BRSK1: variants seen among roughly 807,000 people sequenced by gnomAD.
BRSK1 encodes BR serine/threonine kinase 1, also known as serine/threonine-protein kinase BRSK1.
In BRSK1, 17 loss-of-function variants were observed where a neutral mutation model predicts 86.2. That is an observed-to-expected ratio of 0.20 (90% CI 0.14 to 0.30). The LOEUF (loss-of-function observed/expected upper bound fraction) is 0.30. Among genes scored for constraint, BRSK1 ranks in the 10% least tolerant of loss-of-function variants. The probability of loss-of-function intolerance (pLI) is 1.00; values close to 1 mark genes in which losing one functional copy is unlikely to be tolerated. For synonymous variants in BRSK1, 464 were observed against 440.1 expected, an observed-to-expected ratio of 1.05 and a Z score of -0.68; for missense variants, 719 against 1,071.9, an observed-to-expected ratio of 0.67 and a Z score of 4.60.
In BRSK1 at chr19:55,284,488, C is replaced by CCCCGG; in HGVS notation, c.46_47insCCCGG (p.His16ProfsTer52). On this transcript the variant is annotated frameshift_variant, in exon 1 of 19. Coordinates refer to ENST00000309383, the MANE Select transcript of BRSK1 (RefSeq NM_032430.2). LOFTEE classifies it high-confidence loss of function. ...GGGAGGTGGGGGCTCTCCCGCCTAC[C>CCCCGG]ACCTCCCCCACCCCCACCCCCACCC... 1.7e-6 allele frequency: 2 copies of CCCCGG among 1,205,262 alleles called. No homozygotes were observed. Among genetic ancestry groups the CCCCGG allele is most frequent in the Non-Finnish European group, 2.2e-6 (2 of 907,330 alleles). The allele number at this position is 1,205,262 out of a possible 1,614,324, so 74.7% of individuals were successfully genotyped here.
At chr19:55,308,105 C>G (rs2088690914) in intron 17 of BRSK1, among the ~76,000 whole-genome samples, 1 of 150,402 alleles carries the variant, frequency 6.6e-6, no homozygotes, top group African/African-American at 2.4e-5. Flanking sequence ...ACTGCAACCT[C>G]TGCCTCCTGG....
In BRSK1 at chr19:55,286,993, C is replaced by T; in HGVS notation, c.137-14C>T. Reference sequence around the variant, plus strand: ...CCCGGCGGAACACCCCACATTTTCACCCTGCTCCTGCAGGGCTGGTTAAAC... The same window carrying T: ...CCCGGCGGAACACCCCACATTTTCATCCTGCTCCTGCAGGGCTGGTTAAAC... On this transcript the variant is annotated splice_polypyrimidine_tract_variant and intron_variant, in intron 1 of 18. Coordinates refer to ENST00000309383, the MANE Select transcript of BRSK1 (RefSeq NM_032430.2). 1 of 1,613,732 alleles carries T rather than the reference C, an allele frequency of 6.2e-7. No homozygotes were observed. The highest frequency in any genetic ancestry group is 8.5e-7 in the Non-Finnish European group (1 of 1,179,732).
Position 55,312,322 on chromosome 19 carries a change from G to T in BRSK1, c.*254G>T, listed in dbSNP as rs1043267578. Reference sequence around the variant, plus strand: ...TTTATTTATTGATCAATCTCTCTGCGGGGTGGGGTGGGGGAGGGACGGGAG... The same window carrying T: ...TTTATTTATTGATCAATCTCTCTGCTGGGTGGGGTGGGGGAGGGACGGGAG... On this transcript the variant is annotated 3_prime_UTR_variant, in exon 19 of 19. Coordinates refer to ENST00000309383, the MANE Select transcript of BRSK1 (RefSeq NM_032430.2). 4.5e-6 allele frequency: 1 copy of T among 224,632 alleles called. No individual in the cohort carries two copies. Among genetic ancestry groups the T allele is most frequent in the Admixed American group, 5.6e-5 (1 of 17,932 alleles). The allele number at this position is 224,632 out of a possible 1,614,324, so 13.9% of individuals were successfully genotyped here. A position where few individuals can be genotyped will look rare whatever the true frequency, so the allele number is the denominator to read the frequency against.
At chr19:55,307,966 AAAAAG>A (rs1321764175) in intron 17 of BRSK1, among the ~76,000 whole-genome samples, 4 of 151,710 alleles carry the variant, frequency 2.6e-5, no homozygotes, top group Admixed American at 1.3e-4. Flanking sequence ...AAGAAAAAAG[AAAAAG>A]AAAAGACTTT....
At chr19:55,299,368 TTGG>T (rs1223619351) in intron 7 of BRSK1, among the ~76,000 whole-genome samples, 27 of 134,610 alleles carry the variant, frequency 2.0e-4, no homozygotes, top group East Asian at 9.0e-4. Context: ...ATAATTTGTT[TTGG>T]TTTTTTTTTT....
chr19:55,290,033 T>A (rs1281217032), intron 4 of BRSK1, among the ~76,000 whole-genome samples: 2 of 152,192 alleles, frequency 1.3e-5, no homozygotes, highest in Non-Finnish European at 2.9e-5. Flanking sequence ...TTTGCTCTTG[T>A]TGCCCAGCAG....
chr19:55,303,921 TG>T lies in BRSK1; in HGVS notation c.1286+98del. 6.6e-7 allele frequency: 1 copy of T among 1,520,636 alleles called. No homozygotes were observed. The highest frequency in any genetic ancestry group is 1.3e-5 in the South Asian group (1 of 76,626). 94.2% of individuals were successfully genotyped at this position (1,520,636 alleles called of 1,614,324 possible). A position where few individuals can be genotyped will look rare whatever the true frequency, so the allele number is the denominator to read the frequency against. ...CTCTACCTCAAATGTGCTGTGTCCT[TG>T]GGACAATTCACCTCCCCTCTCTGGG... On this transcript the variant is annotated intron_variant, in intron 12 of 18. Coordinates refer to ENST00000309383, the MANE Select transcript of BRSK1 (RefSeq NM_032430.2). This position sits in a 1 kb window ranked among gnomAD's most constrained non-coding sequence, Gnocchi z 5.1.
At chr19:55,284,749 G>T (rs2088282909) in intron 1 of BRSK1, among the ~76,000 whole-genome samples, 171 bp downstream of exon 1, 1 of 151,904 alleles carries the variant, frequency 6.6e-6, no homozygotes, top group Non-Finnish European at 1.5e-5. Flanking sequence ...GGGGGTGGGG[G>T]GCGCAGACTC....
At position 55,289,628 on chromosome 19, in the gene BRSK1, G is replaced by A. The variant is rs200104612; in HGVS notation, c.458+8G>A. On this transcript the variant is annotated splice_region_variant and intron_variant, in intron 4 of 18. Transcript: ENST00000309383. ...CCACAGCTACTCCATCTGGTGAGTG[G>A]GCAGCTTGAGGGGGAGGAGGGGCTG... is the stretch of plus-strand genomic sequence containing the variant. 467 of 1,613,330 alleles carry A rather than the reference G, an allele frequency of 2.9e-4. No homozygotes were observed. The African/African-American group carries it at 5.6e-3, about 19-fold the overall frequency.
At chr19:55,301,981 A>C in intron 8 of BRSK1, 156 bp from the exon 9 acceptor site, 1 of 941,858 alleles carries the variant, frequency 1.1e-6, no homozygotes, top group Non-Finnish European at 1.7e-6. Flanking sequence ...CGATGCACTC[A>C]GTCGCCACTA....
intron 14 of BRSK1, 99 bp from the exon 15 acceptor site, chr19:55,305,222 A>G (rs948291075): frequency 3.1e-5 from 46 of 1,491,048 alleles, no homozygotes; most frequent in Admixed American, 5.7e-5. Flanking sequence ...CTGCAACCCA[A>G]GGCTCTGGAA....
rs2088340610 is a variant in BRSK1, at chr19:55,287,750, A to C, written c.317+451A>C. Among the ~76,000 whole-genome samples, 1 of 152,204 alleles carries C rather than the reference A, an allele frequency of 6.6e-6. No individual in the cohort carries two copies. Among genetic ancestry groups the C allele is most frequent in the Admixed American group, 6.5e-5 (1 of 15,284 alleles). On this transcript the variant is annotated intron_variant, in intron 3 of 18. Transcript: ENST00000309383. This position sits in a 1 kb window ranked among gnomAD's most constrained non-coding sequence, Gnocchi z 5.3. Reference sequence around the variant, plus strand: ...GCATAACTTCGGGTGCCGTGGCTGGACACCCCAACAATGGGCCGCCTTAGG... The same window carrying C: ...GCATAACTTCGGGTGCCGTGGCTGGCCACCCCAACAATGGGCCGCCTTAGG...
rs746722515 is a variant in BRSK1 at position 55,306,020 on chromosome 19, A to G, written c.1891-232A>G. Among the ~76,000 whole-genome samples, 4 of 152,176 alleles carry G rather than the reference A, an allele frequency of 2.6e-5. No individual in the cohort carries two copies. Among genetic ancestry groups the G allele is most frequent in the Non-Finnish European group, 4.4e-5 (3 of 68,038 alleles). On this transcript the variant is annotated intron_variant, in intron 16 of 18. Coordinates refer to ENST00000309383, the MANE Select transcript of BRSK1 (RefSeq NM_032430.2). This position sits in a 1 kb window ranked among gnomAD's most constrained non-coding sequence, Gnocchi z 4.7. ...GTCTTGGAGTCTGAGGCTGTCACCT[A>G]GCTATCAGAGTCCTCATGATGTTAG...
rs575462692 is a variant in BRSK1 at position 55,287,276 on chromosome 19, C to T, written c.294C>T (p.Asp98=). Residue 98 remains aspartate, a synonymous_variant, in exon 3 of 19, where the codon GAC becomes GAT. Transcript: ENST00000309383. This position sits in a 1 kb window ranked among gnomAD's most constrained non-coding sequence, Gnocchi z 5.3. ...ACCCACATGTCCTCAAGCTCCACGA[C>T]GTCTACGAGAACAAGAAATATTTGT... ...IEHPHVLKLH[D]VYENKKYLYL... 2.6e-5 allele frequency: 42 copies of T among 1,614,024 alleles called. No homozygotes were observed. Among genetic ancestry groups the T allele is most frequent in the South Asian group, 8.8e-5 (8 of 91,084 alleles).
In BRSK1 at chr19:55,312,091, G is replaced by C; in HGVS notation, c.*23G>C. On this transcript the variant is annotated 3_prime_UTR_variant, in exon 19 of 19. Coordinates refer to ENST00000309383, the MANE Select transcript of BRSK1 (RefSeq NM_032430.2). ...TGACCCCACGGGGCCGGGGAGGGAG[G>C]GGACCCCCCTCCACCCCCCTTCCGT... The C allele has an allele frequency of 7.4e-7, 1 of 1,342,812 alleles. No individual in the cohort carries two copies. The highest frequency in any genetic ancestry group is 9.8e-7 in the Non-Finnish European group (1 of 1,017,934). 83.2% of individuals were successfully genotyped at this position (1,342,812 alleles called of 1,614,324 possible).
chr19:55,307,779 C>T (rs1465717519), intron 17 of BRSK1, among the ~76,000 whole-genome samples: 1 of 123,634 alleles, frequency 8.1e-6, no homozygotes. Flanking sequence ...CACACACACA[C>T]ACACACACAA....
rs1299924974 is a variant in BRSK1 at position 55,310,130 on chromosome 19, C to T, written c.2179+1402C>T. Among the ~76,000 whole-genome samples, 3 of 152,262 alleles carry T rather than the reference C, an allele frequency of 2.0e-5. No homozygotes were observed. In the East Asian group the frequency reaches 5.8e-4, roughly 29 times the overall value. On this transcript the variant is annotated intron_variant, in intron 18 of 18. Coordinates refer to ENST00000309383, the MANE Select transcript of BRSK1 (RefSeq NM_032430.2). This position sits in a 1 kb window ranked among gnomAD's most constrained non-coding sequence, Gnocchi z 5.0. ...TCACCCCGTGTTTGTTTTCTATGGC[C>T]GCCGTCAACAAATGACACAGCCTTG...
intron 4 of BRSK1, among the ~76,000 whole-genome samples, chr19:55,293,533 C>G (rs1278253002): frequency 1.3e-5 from 2 of 149,024 alleles, no homozygotes; most frequent in African/African-American, 5.0e-5. Flanking sequence ...ATAAATAAGG[C>G]TGGGTGCTGT....
chr19:55,307,352 C>A (rs1055077563), intron 17 of BRSK1, among the ~76,000 whole-genome samples: 1 of 151,852 alleles, frequency 6.6e-6, no homozygotes, highest in Admixed American at 6.6e-5. Context: ...AAGTTCAAGA[C>A]CAGCCTGGCC....
Sources: allele counts gnomAD v4.1 joint callset (sites outside exome capture counted in the v4.1 genomes callset), GRCh38; gene constraint gnomAD v4.1.1; non-coding constraint Gnocchi (gnomAD v3.1); transcripts MANE v1.5; gene names NCBI Gene and HGNC (gene_info 2026-07-23, HGNC 2026-07-21).